Variants in UIMC1 observed in about 807,000 individuals in gnomAD.
The protein encoded by UIMC1 is BRCA1-A complex subunit RAP80.
A neutral mutation model predicts 84.9 loss-of-function variants in UIMC1; 42 were observed. The ratio of observed to expected loss-of-function variants is 0.49; its 90% CI spans 0.39 to 0.64. The LOEUF is 0.64. Ranked by LOEUF, UIMC1 falls within the 30% of genes least tolerant of loss-of-function variation. UIMC1 has a pLI of 0.00. For missense variants in UIMC1, 825 were observed against 847.6 expected, an observed-to-expected ratio of 0.97 and a Z score of 0.33; for synonymous variants, 281 against 293.0, an observed-to-expected ratio of 0.96 and a Z score of 0.42.
At chr5:177,010,240 A>G (rs2149553356), upstream of UIMC1, among the ~76,000 whole-genome samples, 1 of 152,278 alleles carries the variant, frequency 6.6e-6, no homozygotes, top group African/African-American at 2.4e-5. Context: ...AAACAGATCT[A>G]CATGTATCAT....
At chr5:176,907,267 G>C in intron 12 of UIMC1, 90 bp from the exon 13 acceptor site, 4 of 1,286,904 alleles carry the variant, frequency 3.1e-6, no homozygotes, top group Non-Finnish European at 4.4e-6. Context: ...GTTCATAGAA[G>C]AGAAAAGGTG....
At chr5:176,996,550 T>A (rs1773641156) in intron 1 of UIMC1, among the ~76,000 whole-genome samples, 1 of 152,156 alleles carries the variant, frequency 6.6e-6, no homozygotes, top group African/African-American at 2.4e-5. Context: ...ACTTGGAAAC[T>A]GACCAAAAGC....
At chr5:177,001,506 G>A (rs1400706468) in intron 1 of UIMC1, 1 of 151,982 alleles carries the variant, frequency 6.6e-6, no homozygotes, top group Non-Finnish European at 1.5e-5. Flanking sequence ...TTCAACCTTT[G>A]GGAGCACAGA....
intron 6 of UIMC1, among the ~76,000 whole-genome samples, chr5:176,968,345 C>A (rs986453165): frequency 7.9e-5 from 12 of 151,688 alleles, no homozygotes; most frequent in African/African-American, 2.7e-4. Flanking sequence ...TGCACTCCAG[C>A]CTGGGAGACA....
rs1344908710 is a variant in UIMC1 at position 176,905,447 on chromosome 5, CA to C, written c.1994del (p.Met665SerfsTer10). 1.2e-6 allele frequency: 2 copies of C among 1,614,040 alleles called. No homozygotes were observed. Among genetic ancestry groups the C allele is most frequent in the Non-Finnish European group, 1.7e-6 (2 of 1,180,002 alleles). The stretch of plus-strand genomic sequence containing the variant: ...AGTCACGACGTGTGAAAGAACTCTG[CA>C]TCTCTCTGCTGCAGCCTGCCTCTTC... The part of the protein sequence containing the change: ...GMEEAGCSRE[M>X]QSSFTRRDLN... On this transcript the variant is annotated frameshift_variant, in exon 15 of 15. Coordinates refer to ENST00000511320, the MANE Select transcript of UIMC1 (RefSeq NM_001199298.2). LOFTEE classifies it high-confidence loss of function.
intron 10 of UIMC1, among the ~76,000 whole-genome samples, chr5:176,913,823 T>C (rs1373271573): frequency 3.3e-5 from 5 of 152,042 alleles, no homozygotes; most frequent in Non-Finnish European, 7.4e-5. Context: ...ACAAAAAATA[T>C]AAAAGTTAGC....
intron 10 of UIMC1, among the ~76,000 whole-genome samples, chr5:176,915,635 T>C (rs1300829174): frequency 6.6e-6 from 1 of 151,496 alleles, no homozygotes; most frequent in Admixed American, 6.6e-5. Flanking sequence ...TTTGTATTTT[T>C]AGTAGAGATG....
At chr5:176,960,695 G>T (rs1341991991) in intron 6 of UIMC1, among the ~76,000 whole-genome samples, 1 of 73,604 alleles carries the variant, frequency 1.4e-5, no homozygotes, top group Non-Finnish European at 2.4e-5. Context: ...ATGCGGAGCC[G>T]AAGCTGGACT....
upstream of UIMC1, among the ~76,000 whole-genome samples, chr5:177,007,051 T>C (rs1030978650): frequency 5.9e-5 from 9 of 151,786 alleles, no homozygotes; most frequent in Admixed American, 2.0e-4. Flanking sequence ...TCTAGAAAAA[T>C]ACGGAAATGC....
intron 1 of UIMC1, among the ~76,000 whole-genome samples, chr5:176,992,890 A>G (rs1773088863): frequency 6.6e-6 from 1 of 152,174 alleles, no homozygotes; most frequent in Non-Finnish European, 1.5e-5. Context: ...TCCAGAATAT[A>G]CAAACAATTA....
At chr5:176,974,898 G>A (rs1180960376) in intron 3 of UIMC1, among the ~76,000 whole-genome samples, 1 of 152,094 alleles carries the variant, frequency 6.6e-6, no homozygotes, top group Non-Finnish European at 1.5e-5. Context: ...GCTGTCACCT[G>A]TAATCCCAAC....
At chr5:176,974,813 CA>C (rs924066311) in intron 3 of UIMC1, among the ~76,000 whole-genome samples, 156 of 142,640 alleles carry the variant, frequency 1.1e-3, no homozygotes, top group African/African-American at 3.6e-3. Context: ...TGCTCCGTCT[CA>C]AAAAAAAAAA....
intron 1 of UIMC1, among the ~76,000 whole-genome samples, chr5:176,995,522 G>T (rs1173855202): frequency 1.7e-3 from 165 of 99,118 alleles, no homozygotes; most frequent in African/African-American, 6.7e-3. Flanking sequence ...GGGTGACAGA[G>T]AAAGACTCTG....
In UIMC1 at chr5:176,951,557, C is replaced by G; in HGVS notation, c.1360G>C (p.Glu454Gln). 4 of 1,591,832 alleles carry G rather than the reference C, an allele frequency of 2.5e-6. No individual in the cohort carries two copies. Among genetic ancestry groups the G allele is most frequent in the Non-Finnish European group, 3.4e-6 (4 of 1,170,874 alleles). The change falls in exon 9 of 15, where the codon GAA becomes CAA. Residue 454 changes from glutamate to glutamine, a missense_variant. Transcript: ENST00000511320. ...ACTTCTCTTTCAAGGTCAAAAGTTT[C>G]AGAGGAACTTAGCTGGGTCTCTGTA... is the stretch of plus-strand genomic sequence containing the variant. Reference protein sequence around the residue: ...VCPETQLSSSETFDLEREVSP... With the variant: ...VCPETQLSSSQTFDLEREVSP...
In UIMC1 at chr5:176,968,552, T is replaced by C. The variant is rs546764699; in HGVS notation, c.1200+3A>G. On this transcript the variant is annotated splice_donor_region_variant and intron_variant, in intron 6 of 14. Coordinates refer to ENST00000511320, the MANE Select transcript of UIMC1 (RefSeq NM_001199298.2). ...CCTTAATTACAGCATCACTGACCCT[T>C]ACCTGACCATGACTGGTTGTTGGTT... 1.2e-6 allele frequency: 2 copies of C among 1,603,288 alleles called. No homozygotes were observed. The highest frequency in any genetic ancestry group is 2.2e-5 in the East Asian group (1 of 44,828).
chr5:176,985,145 T>A (rs1436258485), intron 1 of UIMC1, among the ~76,000 whole-genome samples: 1 of 151,558 alleles, frequency 6.6e-6, no homozygotes, highest in Non-Finnish European at 1.5e-5. Context: ...AGGGAAAAAA[T>A]GGTTTTTTTT....
chr5:176,939,479 T>C (rs1764158296), intron 10 of UIMC1, among the ~76,000 whole-genome samples: 1 of 152,136 alleles, frequency 6.6e-6, no homozygotes, highest in Non-Finnish European at 1.5e-5. Flanking sequence ...TATAATACCA[T>C]ATTTTTACTA....
intron 1 of UIMC1, among the ~76,000 whole-genome samples, chr5:177,017,869 C>T (rs1459274864): frequency 6.6e-6 from 1 of 151,838 alleles, no homozygotes; most frequent in Non-Finnish European, 1.5e-5. Flanking sequence ...CCATGATGGT[C>T]TTGAACTCCT....
chr5:176,908,526 T>G lies in UIMC1; in HGVS notation c.1845A>C (p.Pro615=), dbSNP rs1191441719. 1.2e-6 allele frequency: 2 copies of G among 1,613,408 alleles called. No homozygotes were observed. The highest frequency in any genetic ancestry group is 2.2e-5 in the South Asian group (2 of 91,028). ...EGKWQQRLKN[P]KEKGHSEGRL... ...TCCCAAAACACTCTACACATACCTT[T>G]GGGTTCTTCAGCCTCTGCTGCCACT... The change falls in exon 12 of 15, where the codon CCA becomes CCC. Residue 615 remains proline (P), a synonymous_variant. Coordinates refer to ENST00000511320, the MANE Select transcript of UIMC1 (RefSeq NM_001199298.2).
Sources: allele counts gnomAD v4.1 joint callset (sites outside exome capture counted in the v4.1 genomes callset), GRCh38; gene constraint gnomAD v4.1.1; transcripts MANE v1.5; gene names NCBI Gene and HGNC (gene_info 2026-07-23, HGNC 2026-07-21).